Variants in AHCY observed in about 807,000 individuals in gnomAD.
AHCY encodes the protein S-adenosyl-L-homocysteine hydrolase.
A neutral mutation model predicts 45.4 loss-of-function variants in AHCY; 24 were observed. That is an observed-to-expected ratio of 0.53 (90% confidence interval 0.38 to 0.74). AHCY has a LOEUF of 0.74. Ranked by LOEUF, AHCY falls within the 30% of genes least tolerant of loss-of-function variation. The pLI, the probability that AHCY is intolerant of heterozygous loss-of-function variation, is 0.00. For missense variants in AHCY, 449 were observed against 594.1 expected (o/e 0.76, Z 2.54); for synonymous variants, 245 against 235.1 (o/e 1.04, Z -0.39).
Position 34,280,659 on chromosome 20 carries a change from C to T in AHCY, c.*375G>A. On this transcript the variant is annotated 3_prime_UTR_variant, in exon 10 of 10. Transcript: ENST00000217426. ...CTGAAGAACCACTGGACCTGTAAAC[C>T]AAGCACACAGGTATAAGTCCACAGA... 3.0e-6 allele frequency: 1 copy of T among 331,208 alleles called. No homozygotes were observed. The highest frequency in any genetic ancestry group is 2.8e-5 in the South Asian group (1 of 36,198). 20.5% of individuals were successfully genotyped at this position (331,208 alleles called of 1,614,324 possible). A position where few individuals can be genotyped will look rare whatever the true frequency, so the allele number is the denominator to read the frequency against.
the AHCY span, among the ~76,000 whole-genome samples, chr20:34,265,528 A>C: frequency 6.6e-6 from 1 of 152,146 alleles, no homozygotes; most frequent in Non-Finnish European, 1.5e-5. Context: ...TGTCTCAAAG[A>C]AAAAAAGGAT....
chr20:34,302,581 A>G, intron 1 of AHCY: 2 of 981,172 alleles, frequency 2.0e-6, no homozygotes, highest in Non-Finnish European at 2.4e-6. Context: ...ATCCCACAGG[A>G]AACACTAAGT....
the AHCY span, chr20:34,245,810 AG>A: frequency 2.5e-6 from 2 of 797,302 alleles, no homozygotes; most frequent in Non-Finnish European, 3.1e-6. Context: ...GAAAATGCCA[AG>A]GACGAGGGCA....
rs2036224594 is a variant in AHCY, at chr20:34,287,401, T to C, written c.973-1767A>G. Among the ~76,000 whole-genome samples, 9 of 148,502 alleles carry C rather than the reference T, an allele frequency of 6.1e-5. No homozygotes were observed. In the South Asian group the frequency reaches 1.9e-3, roughly 32 times the overall value. ...TATTTTATTAATTTTTTTTTTTTTTTTTTTTCTGAGACGGAGTCTTACTCT... is the reference window on the plus strand; with the variant it reads ...TATTTTATTAATTTTTTTTTTTTTTCTTTTTCTGAGACGGAGTCTTACTCT... On this transcript the variant is annotated intron_variant, in intron 8 of 9. Transcript: ENST00000217426.
At chr20:34,268,515 GA>G in the AHCY span, among the ~76,000 whole-genome samples, 1 of 152,098 alleles carries the variant, frequency 6.6e-6, no homozygotes, top group African/African-American at 2.4e-5. Flanking sequence ...TTTAGCTCAA[GA>G]GTTTGAGACC....
At chr20:34,304,682 G>A (rs1435571867), upstream of AHCY, among the ~76,000 whole-genome samples, 5 of 151,566 alleles carry the variant, frequency 3.3e-5, no homozygotes, top group African/African-American at 4.9e-5. Context: ...ACCACACCTG[G>A]CTAATTTTGT....
chr20:34,280,966 G>A lies in AHCY; in HGVS notation c.*68C>T. On this transcript the variant is annotated 3_prime_UTR_variant, in exon 10 of 10. Transcript: ENST00000217426. ...ACCAATCACAAAGTTGGTGCCATTA[G>A]CTCTTAGGGAGGAGAGGTGGGGCCT... is the stretch of plus-strand genomic sequence containing the variant. 3.7e-6 allele frequency: 6 copies of A among 1,606,472 alleles called. No homozygotes were observed. The highest frequency in any genetic ancestry group is 5.1e-6 in the Non-Finnish European group (6 of 1,176,492).
intron 8 of AHCY, among the ~76,000 whole-genome samples, chr20:34,287,644 G>A (rs865901928): frequency 9.9e-5 from 15 of 151,942 alleles, no homozygotes; most frequent in African/African-American, 2.4e-4. Flanking sequence ...CGCCTGCCTC[G>A]GCCTCCCAAA....
At chr20:34,296,608 C>T (rs2122791060) in intron 1 of AHCY, among the ~76,000 whole-genome samples, 1 of 152,276 alleles carries the variant, frequency 6.6e-6, no homozygotes, top group Admixed American at 6.5e-5. Flanking sequence ...TCCCCTACCA[C>T]ACTGGTCCAC....
the AHCY span, among the ~76,000 whole-genome samples, chr20:34,244,621 A>C: frequency 6.6e-6 from 1 of 152,212 alleles, no homozygotes; most frequent in African/African-American, 2.4e-5. Context: ...ATTTTTCATT[A>C]TAAATAATAT....
chr20:34,235,217 A>G, the AHCY span, among the ~76,000 whole-genome samples: 1 of 152,208 alleles, frequency 6.6e-6, no homozygotes, highest in Non-Finnish European at 1.5e-5. Flanking sequence ...CGAGGTGGGC[A>G]GATCATGAAG....
At chr20:34,263,003 A>G in the AHCY span, 2,966 of 1,266,544 alleles carry the variant, frequency 2.3e-3, 60 homozygotes, top group African/African-American at 0.04. Flanking sequence ...TTTCAGGCCT[A>G]TATTAACAAA....
chr20:34,244,127 T>C, the AHCY span, among the ~76,000 whole-genome samples: 1 of 152,176 alleles, frequency 6.6e-6, no homozygotes, highest in African/African-American at 2.4e-5. Context: ...CAATAAACCA[T>C]GGTTTTGTGG....
the AHCY span, among the ~76,000 whole-genome samples, chr20:34,235,829 GAAAGAAAGAAA>G: frequency 2.9e-4 from 18 of 62,642 alleles, no homozygotes; most frequent in African/African-American, 2.4e-3. Context: ...AAGAAAGAAA[GAAAGAAAGAAA>G]GAAGGAAGGA....
In AHCY at chr20:34,280,780, A is replaced by C. The variant is rs2035972931; in HGVS notation, c.*254T>G. Reference sequence around the variant, plus strand: ...GACTGACTTAGTGAGCTGTTCCAAGACCACTGAGCTCATGGTTCCCTGTGG... The same window carrying C: ...GACTGACTTAGTGAGCTGTTCCAAGCCCACTGAGCTCATGGTTCCCTGTGG... On this transcript the variant is annotated 3_prime_UTR_variant, in exon 10 of 10. Coordinates refer to ENST00000217426, the MANE Select transcript of AHCY (RefSeq NM_000687.4). 1.8e-6 allele frequency: 1 copy of C among 541,822 alleles called. No individual in the cohort carries two copies. Among genetic ancestry groups the C allele is most frequent in the Non-Finnish European group, 3.3e-6 (1 of 301,240 alleles). The allele number at this position is 541,822 out of a possible 1,614,324, so 33.6% of individuals were successfully genotyped here.
At chr20:34,307,120 C>T (rs1264203903), upstream of AHCY, among the ~76,000 whole-genome samples, 1 of 143,034 alleles carries the variant, frequency 7.0e-6, no homozygotes. Context: ...TTTTCTTTTT[C>T]TTTTTTTTTT....
chr20:34,287,628 G>C (rs926117394), intron 8 of AHCY, among the ~76,000 whole-genome samples: 1 of 151,856 alleles, frequency 6.6e-6, no homozygotes, highest in Non-Finnish European at 1.5e-5. Context: ...CTGACCTCAA[G>C]TGATCCGCCT....
chr20:34,296,916 G>A (rs971331967), intron 1 of AHCY, among the ~76,000 whole-genome samples: 4 of 152,038 alleles, frequency 2.6e-5, no homozygotes, highest in Middle Eastern at 3.2e-3. Flanking sequence ...GATGAAACAC[G>A]CCTCCCGCAT....
upstream of AHCY, among the ~76,000 whole-genome samples, chr20:34,307,662 G>A (rs914991461): frequency 1.3e-5 from 2 of 152,214 alleles, no homozygotes; most frequent in African/African-American, 2.4e-5. Flanking sequence ...GTGAGCCACC[G>A]TGCCCAGCCC....
Sources: allele counts gnomAD v4.1 joint callset (sites outside exome capture counted in the v4.1 genomes callset), GRCh38; gene constraint gnomAD v4.1.1; transcripts MANE v1.5; gene names NCBI Gene and HGNC (gene_info 2026-07-23, HGNC 2026-07-21).